Variants in PCSK2 observed in about 807,000 individuals in gnomAD.
PCSK2 encodes the protein proprotein convertase subtilisin/kexin type 2, also known as neuroendocrine convertase 2.
PCSK2 carries 14 observed loss-of-function variants against 69.7 expected under a neutral mutation model. The ratio of observed to expected loss-of-function variants is 0.20; its 90% confidence interval spans 0.13 to 0.31. The LOEUF (loss-of-function observed/expected upper bound fraction) is 0.31. PCSK2 is among the 10% of genes least tolerant of loss of function. The probability of loss-of-function intolerance (pLI) is 1.00; values close to 1 mark genes in which losing one functional copy is unlikely to be tolerated. For synonymous variants in PCSK2, 307 were observed against 320.7 expected, an observed-to-expected ratio of 0.96 and a Z score of 0.46; for missense variants, 544 against 842.5, an observed-to-expected ratio of 0.65 and a Z score of 4.39.
chr20:17,308,282 A>G (rs895195335), intron 2 of PCSK2, among the ~76,000 whole-genome samples: 7 of 152,182 alleles, frequency 4.6e-5, no homozygotes, highest in African/African-American at 1.4e-4. Flanking sequence ...GGGGATTACA[A>G]TTCCACATGA....
At chr20:17,370,756 T>C (rs940960474) in intron 5 of PCSK2, among the ~76,000 whole-genome samples, 2 of 152,208 alleles carry the variant, frequency 1.3e-5, no homozygotes, top group Non-Finnish European at 2.9e-5. Flanking sequence ...TGCCTCTCCC[T>C]GACTATGGCT....
At chr20:17,445,919 A>C (rs553650752) in intron 8 of PCSK2, among the ~76,000 whole-genome samples, 16 of 152,282 alleles carry the variant, frequency 1.1e-4, no homozygotes, top group African/African-American at 3.8e-4. Context: ...GTTTCGGGTG[A>C]TCCTTGTGAC....
At chr20:17,435,601 T>C (rs958920706) in intron 7 of PCSK2, among the ~76,000 whole-genome samples, 1 of 152,156 alleles carries the variant, frequency 6.6e-6, no homozygotes, top group Non-Finnish European at 1.5e-5. Context: ...AGGCACAACA[T>C]CCTTTGGCCA....
chr20:17,240,163 T>A (rs1986511694), intron 1 of PCSK2, among the ~76,000 whole-genome samples: 1 of 152,064 alleles, frequency 6.6e-6, no homozygotes, highest in Admixed American at 6.5e-5. Flanking sequence ...ATGAAAACAC[T>A]TTTTAAGTCT....
At chr20:17,371,538 G>A (rs1190867892) in intron 5 of PCSK2, among the ~76,000 whole-genome samples, 4 of 151,938 alleles carry the variant, frequency 2.6e-5, no homozygotes, top group Non-Finnish European at 4.4e-5. Context: ...ACATTTTTCT[G>A]ATTAAAAAAT....
intron 4 of PCSK2, among the ~76,000 whole-genome samples, chr20:17,368,537 T>C (rs2123228890): frequency 6.6e-6 from 1 of 152,346 alleles, no homozygotes; most frequent in South Asian, 2.1e-4. Context: ...CAAACCCAAA[T>C]GAGAGCTTTT....
chr20:17,390,196 C>T (rs987133660), intron 5 of PCSK2, among the ~76,000 whole-genome samples: 7 of 152,172 alleles, frequency 4.6e-5, no homozygotes, highest in South Asian at 2.1e-4. Flanking sequence ...GCTCTAAAGC[C>T]GGCAGAATTC....
chr20:17,299,087 T>A (rs188712977), intron 2 of PCSK2, among the ~76,000 whole-genome samples: 6 of 152,352 alleles, frequency 3.9e-5, no homozygotes, highest in East Asian at 3.9e-4. Flanking sequence ...TTTATTTTTT[T>A]AAAATTTACC....
intron 7 of PCSK2, among the ~76,000 whole-genome samples, chr20:17,433,812 TCCCCCCA>T (rs2032420588): frequency 2.6e-4 from 27 of 104,154 alleles, no homozygotes; most frequent in African/African-American, 4.9e-4. Context: ...TCTCTCTCTC[TCCCCCCA>T]CTTCCTTCCC....
chr20:17,478,241 C>A (rs1211525434), intron 11 of PCSK2, among the ~76,000 whole-genome samples: 2 of 151,730 alleles, frequency 1.3e-5, no homozygotes, highest in Non-Finnish European at 2.9e-5. Flanking sequence ...TTTTTCCTTC[C>A]CCAAATATTA....
intron 6 of PCSK2, among the ~76,000 whole-genome samples, chr20:17,412,416 G>T (rs1280084794): frequency 6.6e-6 from 1 of 152,146 alleles, no homozygotes; most frequent in Non-Finnish European, 1.5e-5. Flanking sequence ...TGATCAAGTG[G>T]AAGAAAGGGT....
chr20:17,306,503 C>T (rs1305303600), intron 2 of PCSK2, among the ~76,000 whole-genome samples: 2 of 152,096 alleles, frequency 1.3e-5, no homozygotes, highest in African/African-American at 4.8e-5. Flanking sequence ...CTGCTTTTCT[C>T]CAAGTTTAAA....
At chr20:17,274,444 T>C (rs1987981494) in intron 2 of PCSK2, among the ~76,000 whole-genome samples, 1 of 152,184 alleles carries the variant, frequency 6.6e-6, no homozygotes. Context: ...GTGGGAGTGA[T>C]ACTGGGCCAA....
intron 10 of PCSK2, chr20:17,465,113 G>C (rs2033077608): frequency 1.7e-6 from 1 of 586,478 alleles, no homozygotes; most frequent in Non-Finnish European, 3.1e-6. Flanking sequence ...ATTTATGTAA[G>C]TAAGAAAAGC....
chr20:17,480,184 C>CTTTTTTTTTTTTTTTTTTTTTTT lies in PCSK2; in HGVS notation c.1431-1399_1431-1377dup, dbSNP rs1164266992. 2.1e-4 allele frequency among the ~76,000 whole-genome samples: 16 copies of CTTTTTTTTTTTTTTTTTTTTTTT among 76,984 alleles called. 2 individuals are homozygous for CTTTTTTTTTTTTTTTTTTTTTTT. Among genetic ancestry groups the CTTTTTTTTTTTTTTTTTTTTTTT allele is most frequent in the South Asian group, 4.2e-4 (1 of 2,362 alleles). 50.5% of individuals were successfully genotyped at this position (76,984 alleles called of 152,430 possible). A position where few individuals can be genotyped will look rare whatever the true frequency, so the allele number is the denominator to read the frequency against. On this transcript the variant is annotated intron_variant, in intron 11 of 11. Coordinates refer to ENST00000262545, the MANE Select transcript of PCSK2 (RefSeq NM_002594.5). ...ATTAATTTACCCATTTTCAGCTTTT[C>CTTTTTTTTTTTTTTTTTTTTTTT]TTTTTTTTTTTTTTTTTTTTTTTGA... is the stretch of plus-strand genomic sequence containing the variant.
At chr20:17,347,517 A>G (rs1053106078) in intron 2 of PCSK2, among the ~76,000 whole-genome samples, 2 of 152,246 alleles carry the variant, frequency 1.3e-5, no homozygotes, top group East Asian at 1.9e-4. Context: ...CAGCTCATCA[A>G]TTCAAACACT....
At chr20:17,293,354 AC>A (rs1988762669) in intron 2 of PCSK2, among the ~76,000 whole-genome samples, 1 of 152,136 alleles carries the variant, frequency 6.6e-6, no homozygotes, top group African/African-American at 2.4e-5. Context: ...TTTGGCTACA[AC>A]CTCCAGACTA....
At chr20:17,461,018 G>A (rs1197689488) in intron 10 of PCSK2, among the ~76,000 whole-genome samples, 1 of 151,978 alleles carries the variant, frequency 6.6e-6, no homozygotes, top group Non-Finnish European at 1.5e-5. Context: ...TAGGATGCCT[G>A]TTCCACTGGG....
chr20:17,254,915 T>C (rs1285701214), intron 1 of PCSK2, among the ~76,000 whole-genome samples: 1 of 152,218 alleles, frequency 6.6e-6, no homozygotes, highest in Middle Eastern at 3.2e-3. Context: ...CCCAGTATTT[T>C]ACTTATTTGA....
Sources: allele counts gnomAD v4.1 joint callset (sites outside exome capture counted in the v4.1 genomes callset), GRCh38; gene constraint gnomAD v4.1.1; transcripts MANE v1.5; gene names NCBI Gene and HGNC (gene_info 2026-07-23, HGNC 2026-07-21).